BCAR1: variants seen among roughly 807,000 people sequenced by gnomAD.
BCAR1 encodes BCAR1 scaffold protein, Cas family member.
BCAR1 carries 30 observed loss-of-function variants against 67.6 expected under a neutral mutation model. The ratio of observed to expected loss-of-function variants is 0.44; its 90% confidence interval spans 0.33 to 0.60. BCAR1 has a LOEUF of 0.60. Ranked by LOEUF, BCAR1 falls within the 20% of genes least tolerant of loss-of-function variation. The pLI is 0.02. For missense variants in BCAR1, 1,313 were observed against 1,222.3 expected (o/e 1.07, Z -1.11); for synonymous variants, 626 against 556.7 (o/e 1.12, Z -1.75).
At chr16:75,267,394 C>CGGGGGG (rs66513768) in intron 1 of BCAR1, among the ~76,000 whole-genome samples, 1 of 124,818 alleles carries the variant, frequency 8.0e-6, no homozygotes, top group African/African-American at 4.1e-5. Flanking sequence ...CACAGCAAGC[C>CGGGGGG]GGGGGGGGGG....
At chr16:75,263,921 C>T (rs1029674112) in intron 1 of BCAR1, 34 of 1,080,374 alleles carry the variant, frequency 3.1e-5, no homozygotes, top group Non-Finnish European at 3.0e-5. Context: ...CCACCTCACA[C>T]ACTGCCCAAG....
chr16:75,246,032 T>C (rs1270181279), intron 1 of BCAR1: 1 of 133,096 alleles, frequency 7.5e-6, no homozygotes, highest in African/African-American at 2.8e-5. Context: ...AGCGCGATCA[T>C]GGCTCTCACT....
chr16:75,264,040 G>C, intron 1 of BCAR1: 1 of 1,227,412 alleles, frequency 8.1e-7, no homozygotes, highest in Non-Finnish European at 1.0e-6. Context: ...GACTACAAGG[G>C]AGAGGGTAGG....
At position 75,236,212 on chromosome 16, in the gene BCAR1, T is replaced by C. The variant is rs1381219404; in HGVS notation, c.913-226A>G. On this transcript the variant is annotated intron_variant, in intron 4 of 6. Transcript: ENST00000162330. ...TAGCACACACATCCTTCACAATTCC[T>C]ATCCATGACAGCTCTGGGACGAGCC... is the stretch of plus-strand genomic sequence containing the variant. 3 of 587,440 alleles carry C rather than the reference T, an allele frequency of 5.1e-6. No homozygotes were observed. In the East Asian group the frequency reaches 9.5e-5, roughly 19 times the overall value. 36.4% of individuals were successfully genotyped at this position (587,440 alleles called of 1,614,324 possible). A position where few individuals can be genotyped will look rare whatever the true frequency, so the allele number is the denominator to read the frequency against.
chr16:75,251,359 C>T (rs921704304), intron 1 of BCAR1, 112 bp downstream of exon 1: 6 of 1,388,060 alleles, frequency 4.3e-6, no homozygotes, highest in Non-Finnish European at 5.7e-6. Flanking sequence ...GGACCCCGGC[C>T]GGCGGTTCCC....
At chr16:75,255,808 A>G (rs1469305011), upstream of BCAR1, among the ~76,000 whole-genome samples, 1 of 152,028 alleles carries the variant, frequency 6.6e-6, no homozygotes, top group Non-Finnish European at 1.5e-5. Flanking sequence ...CCTGACCAAC[A>G]TGGTGAAACC....
At chr16:75,241,044 A>G (rs1314525161) in intron 2 of BCAR1, among the ~76,000 whole-genome samples, 1 of 152,264 alleles carries the variant, frequency 6.6e-6, no homozygotes, top group Non-Finnish European at 1.5e-5. Context: ...ACCTTGGGGC[A>G]TGTGCAGTGT....
At chr16:75,241,291 GCA>G (rs1450900695) in intron 2 of BCAR1, among the ~76,000 whole-genome samples, 3 of 152,144 alleles carry the variant, frequency 2.0e-5, no homozygotes, top group Non-Finnish European at 4.4e-5. Flanking sequence ...ATGTATTCAC[GCA>G]CATTCATGTA....
chr16:75,261,178 C>A (rs1420185631), intron 1 of BCAR1, among the ~76,000 whole-genome samples: 2 of 152,324 alleles, frequency 1.3e-5, no homozygotes, highest in East Asian at 3.9e-4. Context: ...GAGAGGGAGA[C>A]AATGGCCCAG....
intron 1 of BCAR1, among the ~76,000 whole-genome samples, chr16:75,262,866 G>A (rs1296712247): frequency 2.6e-5 from 4 of 152,216 alleles, no homozygotes; most frequent in African/African-American, 9.6e-5. Flanking sequence ...CAGGGACGCA[G>A]AAGAGGTGAC....
At chr16:75,254,510 A>C (rs1464649821), upstream of BCAR1, among the ~76,000 whole-genome samples, 1 of 152,218 alleles carries the variant, frequency 6.6e-6, no homozygotes, top group East Asian at 1.9e-4. Flanking sequence ...AGGCTGCCCC[A>C]GTCTGGAGGA....
intron 1 of BCAR1, among the ~76,000 whole-genome samples, chr16:75,259,038 C>T (rs368109490): frequency 6.6e-6 from 1 of 152,218 alleles, no homozygotes; most frequent in East Asian, 1.9e-4. Flanking sequence ...ACCTCCCAAC[C>T]AGGACTTCTG....
intron 1 of BCAR1, chr16:75,264,564 C>A: frequency 1.5e-6 from 2 of 1,368,042 alleles, no homozygotes; most frequent in Non-Finnish European, 1.9e-6. Flanking sequence ...GATGGCGGGG[C>A]TCACATCAGC....
At chr16:75,259,055 T>G (rs764444930) in intron 1 of BCAR1, among the ~76,000 whole-genome samples, 3 of 152,180 alleles carry the variant, frequency 2.0e-5, no homozygotes, top group Non-Finnish European at 4.4e-5. Context: ...TCTGGAGTGG[T>G]CACAGGCCCT....
chr16:75,250,976 G>A (rs982062717), intron 1 of BCAR1: 90 of 985,666 alleles, frequency 9.1e-5, no homozygotes, highest in Non-Finnish European at 1.0e-4. Context: ...CGGCTGCGCA[G>A]CCTTCCCCGC....
chr16:75,260,633 C>CAAAAAAA (rs59667747), intron 1 of BCAR1, among the ~76,000 whole-genome samples: 1 of 118,174 alleles, frequency 8.5e-6, no homozygotes. Flanking sequence ...GACTCCATCT[C>CAAAAAAA]AAAAAAAAAA....
At chr16:75,231,923 C>A (rs1411632709) in intron 6 of BCAR1, among the ~76,000 whole-genome samples, 1 of 152,156 alleles carries the variant, frequency 6.6e-6, no homozygotes, top group Non-Finnish European at 1.5e-5. Context: ...CTCTTGTTGC[C>A]CAGGCTAGAG....
At position 75,236,865 on chromosome 16, in the gene BCAR1, C is replaced by A. The variant is rs755023501; in HGVS notation, c.912+17G>T. ...CAGCCTCAGCCTGGCCCTGGCATTGCCCTGGCATTTGCTCACTGCGTGGTG... is the reference window on the plus strand; with the variant it reads ...CAGCCTCAGCCTGGCCCTGGCATTGACCTGGCATTTGCTCACTGCGTGGTG... On this transcript the variant is annotated intron_variant, in intron 4 of 6. Transcript: ENST00000162330. 1.9e-6 allele frequency: 3 copies of A among 1,609,428 alleles called. No individual in the cohort carries two copies. The highest frequency in any genetic ancestry group is 2.5e-6 in the Non-Finnish European group (3 of 1,177,846).
chr16:75,266,350 G>C (rs7185352), intron 1 of BCAR1: 23,969 of 167,276 alleles, frequency 0.14, 2,084 homozygotes, highest in East Asian at 0.34. Flanking sequence ...CGAGCCCCGA[G>C]ACCCCCAGGG....
Sources: gnomAD v4.1 joint callset for allele counts (sites outside exome capture counted in the v4.1 genomes callset) on GRCh38, gnomAD v4.1.1 for gene constraint, MANE v1.5 for transcripts, NCBI Gene and HGNC (gene_info 2026-07-23, HGNC 2026-07-21) for gene names.